The following AMMECR1 variants were observed in gnomAD, a reference collection of about 807,000 sequenced individuals.
AMMECR1 encodes AMMECR nuclear protein 1.
AMMECR1 carries 3 observed loss-of-function variants against 22.5 expected under a neutral mutation model. That is an observed-to-expected ratio of 0.13 (90% CI 0.06 to 0.35). The LOEUF (loss-of-function observed/expected upper bound fraction) is 0.35, where lower values mean the gene tolerates loss of function less well. Among genes scored for constraint, AMMECR1 ranks in the 10% least tolerant of loss-of-function variants. The pLI, the probability that AMMECR1 is intolerant of heterozygous loss-of-function variation, is 1.00. For missense variants in AMMECR1, 235 were observed against 278.7 expected, an observed-to-expected ratio of 0.84 and a Z score of 1.12; for synonymous variants, 130 against 116.7, an observed-to-expected ratio of 1.11 and a Z score of -0.74.
At chrX:110,339,622 G>A (rs933395556) in intron 2 of AMMECR1, among the ~76,000 whole-genome samples, 5 of 109,987 alleles carry the variant, frequency 4.5e-5, no homozygotes, top group Non-Finnish European at 7.6e-5. Flanking sequence ...TCAGCCTCCC[G>A]AGTAGCTGGG....
At chrX:110,229,743 C>T (rs909061363) in intron 2 of AMMECR1, among the ~76,000 whole-genome samples, 1 of 112,251 alleles carries the variant, frequency 8.9e-6, no homozygotes, top group Admixed American at 9.4e-5. Context: ...GGGGATTTCC[C>T]TTTCCTAGCC....
intron 2 of AMMECR1, among the ~76,000 whole-genome samples, chrX:110,370,258 G>C (rs1283934419): frequency 1.8e-5 from 2 of 110,566 alleles, no homozygotes; most frequent in Non-Finnish European, 3.8e-5. Flanking sequence ...ACCCAGGCTG[G>C]AGTGCAATGG....
intron 2 of AMMECR1, among the ~76,000 whole-genome samples, chrX:110,375,347 C>A (rs1418699467): frequency 8.9e-6 from 1 of 111,743 alleles, no homozygotes; most frequent in Non-Finnish European, 1.9e-5. Flanking sequence ...CTAGTCTCAG[C>A]TCTACCCCTA....
chrX:110,329,516 G>A (rs1215825321), intron 2 of AMMECR1, among the ~76,000 whole-genome samples: 3 of 112,129 alleles, frequency 2.7e-5, no homozygotes, highest in Admixed American at 9.4e-5. Flanking sequence ...AGGTGGAGAC[G>A]GAAAGCTTGC....
chrX:110,208,956 A>G (rs1056887812), intron 3 of AMMECR1, among the ~76,000 whole-genome samples: 13 of 111,739 alleles, frequency 1.2e-4, no homozygotes, highest in Admixed American at 9.5e-4. Flanking sequence ...CGTGCTTTCT[A>G]TCAAAGTTAG....
At chrX:110,198,948 T>A (rs1340539969) in intron 5 of AMMECR1, among the ~76,000 whole-genome samples, 2 of 111,846 alleles carry the variant, frequency 1.8e-5, no homozygotes, top group Non-Finnish European at 3.8e-5. Flanking sequence ...GTTGATTATT[T>A]TTCTTCAGAA....
chrX:110,373,025 C>G (rs192790965), intron 2 of AMMECR1, among the ~76,000 whole-genome samples: 3 of 111,944 alleles, frequency 2.7e-5, no homozygotes, highest in Non-Finnish European at 3.8e-5. Flanking sequence ...TTACTATGTG[C>G]CAAGCATTGT....
At chrX:110,368,561 T>C (rs1314278819) in intron 2 of AMMECR1, among the ~76,000 whole-genome samples, 1 of 112,486 alleles carries the variant, frequency 8.9e-6, no homozygotes, top group Admixed American at 9.4e-5. Flanking sequence ...TGACACTTTA[T>C]CAGTGATACT....
chrX:110,347,880 G>A (rs1266178792), intron 2 of AMMECR1, among the ~76,000 whole-genome samples: 1 of 112,138 alleles, frequency 8.9e-6, no homozygotes, highest in Non-Finnish European at 1.9e-5. Context: ...TAATCACATG[G>A]CTTCAGTGTT....
chrX:110,404,021 A>G (rs1364840276), intron 2 of AMMECR1, among the ~76,000 whole-genome samples: 1 of 112,484 alleles, frequency 8.9e-6, no homozygotes, highest in Non-Finnish European at 1.9e-5. Context: ...ATGGGGTGGA[A>G]GCTCGACTAA....
intron 2 of AMMECR1, among the ~76,000 whole-genome samples, chrX:110,405,816 C>T (rs1423796505): frequency 2.7e-5 from 3 of 111,796 alleles, no homozygotes; most frequent in African/African-American, 9.8e-5. Flanking sequence ...AACTTAAACG[C>T]AGATCCACCT....
intron 2 of AMMECR1, among the ~76,000 whole-genome samples, chrX:110,253,523 C>T (rs1029104104): frequency 2.7e-5 from 3 of 112,850 alleles, no homozygotes; most frequent in Non-Finnish European, 5.6e-5. Context: ...TAGATGACAA[C>T]TTTAAAATGT....
At chrX:110,315,012 C>T (rs1276397112) in intron 1 of AMMECR1, among the ~76,000 whole-genome samples, 1 of 111,257 alleles carries the variant, frequency 9.0e-6, no homozygotes, top group African/African-American at 3.3e-5. Context: ...AAAAGCACAA[C>T]ATCTGGTGGG....
At position 110,247,336 on chromosome X, in the gene AMMECR1, G is replaced by C. The variant is rs144367621; in HGVS notation, c.584+17153C>G. ...TTTAGGAGGCCAAGCCAGGTGGATA[G>C]CTTGAGCCTAGGTGATTGAGACCAC... is the stretch of plus-strand genomic sequence containing the variant. On this transcript the variant is annotated intron_variant, in intron 2 of 5. Transcript: ENST00000262844. 2.3e-4 allele frequency among the ~76,000 whole-genome samples: 26 copies of C among 112,121 alleles called. No homozygotes were observed. The East Asian group carries it at 7.3e-3, about 31-fold the overall frequency.
intron 2 of AMMECR1, among the ~76,000 whole-genome samples, chrX:110,220,006 T>C (rs1322609117): frequency 5.4e-5 from 6 of 112,044 alleles, no homozygotes; most frequent in Non-Finnish European, 1.1e-4. Context: ...GCTGCCAGGC[T>C]GGTGTGGATA....
At chrX:110,428,953 G>T (rs1367866527) in intron 1 of AMMECR1, among the ~76,000 whole-genome samples, 1 of 112,117 alleles carries the variant, frequency 8.9e-6, no homozygotes, top group Admixed American at 9.4e-5. Flanking sequence ...TGTATCCAGC[G>T]CACTGGCCAA....
chrX:110,383,704 C>A (rs1369810101), intron 2 of AMMECR1, among the ~76,000 whole-genome samples: 1 of 111,902 alleles, frequency 8.9e-6, no homozygotes, highest in African/African-American at 3.2e-5. Flanking sequence ...CCTTTAAGAC[C>A]CTGCTCAACT....
intron 2 of AMMECR1, among the ~76,000 whole-genome samples, chrX:110,409,451 GA>G (rs2148306723): frequency 9.0e-6 from 1 of 111,719 alleles, no homozygotes; most frequent in East Asian, 2.8e-4. Context: ...TACCTAAAAA[GA>G]GGGCTGTTTT....
rs1034752822 is a variant in AMMECR1, at chrX:110,277,049, C to T, written c.474-12450G>A. ...CCACAGTCCTGTGCTGTCTGTTGCC[C>T]GATGTCTAAAAACAGTTGTTTCATG... On this transcript the variant is annotated intron_variant, in intron 1 of 5. Transcript: ENST00000262844. 1.7e-4 allele frequency among the ~76,000 whole-genome samples: 19 copies of T among 110,705 alleles called. 1 individual carries two copies. The highest frequency in any genetic ancestry group is 8.7e-4 in the Admixed American group (9 of 10,300).
Sources: allele counts gnomAD v4.1 joint callset (sites outside exome capture counted in the v4.1 genomes callset), GRCh38; gene constraint gnomAD v4.1.1; transcripts MANE v1.5; gene names NCBI Gene and HGNC (gene_info 2026-07-23, HGNC 2026-07-21).